Variants in SNU13 observed in about 807,000 individuals in gnomAD.
SNU13 encodes NHP2-like protein 1.
In SNU13, 2 loss-of-function variants were observed where a neutral mutation model predicts 12.4. The observed-to-expected ratio is 0.16, with a 90% confidence interval of 0.07 to 0.51. The LOEUF (loss-of-function observed/expected upper bound fraction) is 0.51. SNU13 is among the 20% of genes least tolerant of loss of function. The pLI, the probability that SNU13 is intolerant of heterozygous loss-of-function variation, is 0.96. For synonymous variants in SNU13, 68 were observed against 66.5 expected, an observed-to-expected ratio of 1.02 and a Z score of -0.11; for missense variants, 66 against 157.8, an observed-to-expected ratio of 0.42 and a Z score of 3.12.
At chr22:41,676,748 C>T (rs1049306283) in intron 2 of SNU13, among the ~76,000 whole-genome samples, 5 of 152,202 alleles carry the variant, frequency 3.3e-5, no homozygotes, top group Admixed American at 1.3e-4. Context: ...GAGTCTACCA[C>T]GCCAAACCCT....
Position 41,674,678 on chromosome 22 carries a change from C to T in SNU13, c.*255G>A. Reference sequence around the variant, plus strand: ...GCCTTTCAACGGTGCCACCACCCTGCTTCTGTCTGCTCTGAACACTTGTTC... The same window carrying T: ...GCCTTTCAACGGTGCCACCACCCTGTTTCTGTCTGCTCTGAACACTTGTTC... On this transcript the variant is annotated 3_prime_UTR_variant, in exon 3 of 3. Transcript: ENST00000401959. 2.2e-6 allele frequency: 1 copy of T among 459,454 alleles called. No individual in the cohort carries two copies. The highest frequency in any genetic ancestry group is 3.9e-6 in the Non-Finnish European group (1 of 257,536). 28.5% of individuals were successfully genotyped at this position (459,454 alleles called of 1,614,324 possible). A position where few individuals can be genotyped will look rare whatever the true frequency, so the allele number is the denominator to read the frequency against.
intron 1 of SNU13, among the ~76,000 whole-genome samples, chr22:41,680,757 C>G (rs896770503): frequency 6.6e-6 from 1 of 152,138 alleles, no homozygotes; most frequent in Non-Finnish European, 1.5e-5. Flanking sequence ...TGCAGTGGTG[C>G]GATTTCAGCT....
intron 2 of SNU13, 115 bp from the exon 3 acceptor site, chr22:41,675,310 G>A: frequency 7.5e-7 from 1 of 1,335,434 alleles, no homozygotes; most frequent in South Asian, 1.4e-5. Context: ...CCGGCCCTGG[G>A]ATATGATAAA....
At chr22:41,688,702 C>G in intron 1 of SNU13, 92 bp downstream of exon 1, 1 of 1,488,740 alleles carries the variant, frequency 6.7e-7, no homozygotes, top group Non-Finnish European at 9.1e-7. Flanking sequence ...GATGAGACGG[C>G]GCAGGCTCTA....
chr22:41,682,580 C>T, intron 1 of SNU13: 1 of 1,443,738 alleles, frequency 6.9e-7, no homozygotes, highest in Middle Eastern at 2.4e-4. Flanking sequence ...GTCTTGGTCC[C>T]AGGACAACTA....
At chr22:41,675,433 T>C (rs891929562) in intron 2 of SNU13, among the ~76,000 whole-genome samples, 1 of 152,158 alleles carries the variant, frequency 6.6e-6, no homozygotes, top group Non-Finnish European at 1.5e-5. Flanking sequence ...TTCTTCTTTT[T>C]TTTTTTTGAG....
chr22:41,677,979 C>T (rs1030003760), intron 2 of SNU13, among the ~76,000 whole-genome samples: 19 of 143,822 alleles, frequency 1.3e-4, no homozygotes, highest in Admixed American at 1.3e-3. Context: ...TTACAGCATT[C>T]TTTTTTTTTT....
At chr22:41,682,894 C>T (rs2068278140) in intron 1 of SNU13, among the ~76,000 whole-genome samples, 1 of 152,222 alleles carries the variant, frequency 6.6e-6, no homozygotes, top group South Asian at 2.1e-4. Flanking sequence ...GGTCATCTGC[C>T]TGCCTCAGCC....
chr22:41,679,352 T>A (rs1480693639), intron 2 of SNU13, among the ~76,000 whole-genome samples: 1 of 151,954 alleles, frequency 6.6e-6, no homozygotes, highest in Non-Finnish European at 1.5e-5. Flanking sequence ...AGATCAGGAG[T>A]TCGAGACCAG....
At position 41,688,838 on chromosome 22, in the gene SNU13, C is replaced by G. The variant is rs762194025; in HGVS notation, c.-42G>C. 1.9e-6 allele frequency: 3 copies of G among 1,567,174 alleles called. No homozygotes were observed. The highest frequency in any genetic ancestry group is 2.2e-5 in the South Asian group (2 of 89,030). ...GCTCAGCACTCCTAGGGGAGCGCAG[C>G]TGACGTTTCAGAAGCACTCGCGTGC... On this transcript the variant is annotated 5_prime_UTR_variant, in exon 1 of 3. Coordinates refer to ENST00000401959, the MANE Select transcript of SNU13 (RefSeq NM_001003796.2).
At chr22:41,687,487 AC>A (rs1223045340) in intron 1 of SNU13, among the ~76,000 whole-genome samples, 1 of 152,230 alleles carries the variant, frequency 6.6e-6, no homozygotes, top group African/African-American at 2.4e-5. Flanking sequence ...CTATTAGTCA[AC>A]AAAAAAGTTA....
intron 1 of SNU13, chr22:41,687,656 T>G (rs1435668940): frequency 2.0e-5 from 3 of 152,218 alleles, no homozygotes; most frequent in Admixed American, 6.5e-5. Context: ...TCAGTTTGGT[T>G]TCGCTGTACA....
Position 41,680,332 on chromosome 22 carries a change from G to C in SNU13, c.36C>G (p.Pro12=), listed in dbSNP as rs781714298. The change falls in exon 2 of 3, where the codon CCC becomes CCG. Residue 12 remains proline (P), a synonymous_variant. Coordinates refer to ENST00000401959, the MANE Select transcript of SNU13 (RefSeq NM_001003796.2). ...TEADVNPKAY[P]LADAHLTKKL... is the part of the protein sequence containing the mutation. ...TCTTGGTGAGGTGGGCATCGGCAAG[G>C]GGATAGGCCTTTGGATTCACATCAG... is the stretch of plus-strand genomic sequence containing the variant. 1 of 1,614,030 alleles carries C rather than the reference G, an allele frequency of 6.2e-7. No homozygotes were observed. The highest frequency in any genetic ancestry group is 2.2e-5 in the East Asian group (1 of 44,880).
chr22:41,688,062 A>G (rs2068326477), intron 1 of SNU13: 1 of 152,234 alleles, frequency 6.6e-6, no homozygotes, highest in Non-Finnish European at 1.5e-5. Flanking sequence ...AACCAAAACT[A>G]CTACGCCAGG....
intron 1 of SNU13, among the ~76,000 whole-genome samples, chr22:41,686,843 T>G (rs565314034): frequency 1.1e-3 from 159 of 148,672 alleles, no homozygotes; most frequent in African/African-American, 3.6e-3. Context: ...GTCAGGCTGG[T>G]CTTGAACTCC....
intron 2 of SNU13, 74 bp downstream of exon 2, chr22:41,680,170 G>T: frequency 6.7e-7 from 1 of 1,487,926 alleles, no homozygotes; most frequent in Non-Finnish European, 9.0e-7. Context: ...TCCCAAACTG[G>T]AAATCAGATC....
rs746394926 is a variant in SNU13 at position 41,674,942 on chromosome 22, G to C, written c.378C>G (p.Leu126=). 5.6e-6 allele frequency: 9 copies of C among 1,613,468 alleles called. No homozygotes were observed. The highest frequency in any genetic ancestry group is 3.5e-4 in the Middle Eastern group (2 of 5,688). Residue 126 remains leucine (L), a synonymous_variant, in exon 3 of 3, where the codon CTC becomes CTG. Transcript: ENST00000401959. ...GGCAGAGGCCACAGGTTTAGACTAA[G>C]AGCCTTTCAATGGACTGCTGAATGG... ...IQSIQQSIER[L]LV
At chr22:41,687,873 G>A (rs534453790) in intron 1 of SNU13, 2 of 152,348 alleles carry the variant, frequency 1.3e-5, no homozygotes, top group South Asian at 2.1e-4. Context: ...TCAGGGAGCT[G>A]CGTTAAAGCG....
chr22:41,675,320 A>C (rs1452148535), intron 2 of SNU13, 125 bp from the exon 3 acceptor site: 13 of 1,234,894 alleles, frequency 1.1e-5, no homozygotes, highest in African/African-American at 1.5e-5. Flanking sequence ...GATATGATAA[A>C]GGATTCAAAC....
Sources: gnomAD v4.1 joint callset for allele counts (sites outside exome capture counted in the v4.1 genomes callset) on GRCh38, gnomAD v4.1.1 for gene constraint, MANE v1.5 for transcripts, NCBI Gene and HGNC (gene_info 2026-07-23, HGNC 2026-07-21) for gene names.